Variants in REDIC1 observed in about 807,000 individuals in gnomAD.
REDIC1 encodes HEI10 Interacting Protein 1.
At chr12:39,876,524 A>G in the REDIC1 span, among the ~76,000 whole-genome samples, 1 of 152,234 alleles carries the variant, frequency 6.6e-6, no homozygotes, top group Admixed American at 6.5e-5. Flanking sequence ...AGAAGAAATT[A>G]AGAATAATTA....
the REDIC1 span, among the ~76,000 whole-genome samples, chr12:39,674,940 G>A: frequency 6.6e-6 from 1 of 152,196 alleles, no homozygotes; most frequent in African/African-American, 2.4e-5. Context: ...AGATATGAGT[G>A]CAGAAGCTGC....
chr12:39,834,914 T>C, the REDIC1 span, among the ~76,000 whole-genome samples: 3 of 152,090 alleles, frequency 2.0e-5, no homozygotes, highest in South Asian at 2.1e-4. Flanking sequence ...ACAGAGAGCA[T>C]GTATTATAAC....
the REDIC1 span, among the ~76,000 whole-genome samples, chr12:39,711,110 C>G: frequency 6.6e-6 from 1 of 151,508 alleles, no homozygotes; most frequent in South Asian, 2.1e-4. Flanking sequence ...ATCTTCATAT[C>G]TTAGTTACCT....
At chr12:39,632,619 A>G in the REDIC1 span, among the ~76,000 whole-genome samples, 1 of 152,124 alleles carries the variant, frequency 6.6e-6, no homozygotes, top group African/African-American at 2.4e-5. Context: ...ACATTCTGAG[A>G]AATATACCAT....
At chr12:39,758,069 T>C in the REDIC1 span, 34 of 151,576 alleles carry the variant, frequency 2.2e-4, no homozygotes, top group African/African-American at 8.2e-4. Flanking sequence ...AGAATAATAA[T>C]TTTCCCTATT....
the REDIC1 span, among the ~76,000 whole-genome samples, chr12:39,818,995 C>T: frequency 4.6e-4 from 70 of 152,180 alleles, 1 homozygote; most frequent in African/African-American, 1.6e-3. Context: ...CAATGTTAAA[C>T]GAACGAAGAT....
the REDIC1 span, among the ~76,000 whole-genome samples, chr12:39,828,708 C>G: frequency 1.2e-5 from 1 of 80,742 alleles, no homozygotes; most frequent in Non-Finnish European, 2.3e-5. Flanking sequence ...CTAGTAGTAA[C>G]TTAGTTTTTT....
the REDIC1 span, among the ~76,000 whole-genome samples, chr12:39,816,442 A>C: frequency 1.5e-5 from 1 of 67,412 alleles, no homozygotes; most frequent in Non-Finnish European, 2.8e-5. Flanking sequence ...GGGTGGGGGG[A>C]GGGGGGAGGG....
chr12:39,709,896 A>C, the REDIC1 span, among the ~76,000 whole-genome samples: 1 of 151,778 alleles, frequency 6.6e-6, no homozygotes, highest in Non-Finnish European at 1.5e-5. Flanking sequence ...AGAAATCTTC[A>C]TACCATTTTC....
At chr12:39,743,034 A>G in the REDIC1 span, among the ~76,000 whole-genome samples, 1 of 149,984 alleles carries the variant, frequency 6.7e-6, no homozygotes, top group Non-Finnish European at 1.5e-5. Flanking sequence ...CACACGTTCT[A>G]TAAACCAGGT....
the REDIC1 span, among the ~76,000 whole-genome samples, chr12:39,844,974 C>G: frequency 6.6e-6 from 1 of 151,824 alleles, no homozygotes; most frequent in African/African-American, 2.4e-5. Flanking sequence ...AAATTCATGA[C>G]TTTTAAAATA....
At chr12:39,785,294 A>C in the REDIC1 span, among the ~76,000 whole-genome samples, 2 of 152,172 alleles carry the variant, frequency 1.3e-5, no homozygotes, top group Admixed American at 1.3e-4. Flanking sequence ...CTCCAGCCAC[A>C]GCTGAAAGGG....
the REDIC1 span, among the ~76,000 whole-genome samples, chr12:39,665,789 A>G: frequency 0.78 from 113,864 of 146,910 alleles, 44,525 homozygotes; most frequent in Non-Finnish European, 0.85. Flanking sequence ...GTTCCTTCAC[A>G]TCCCTTGTAA....
At chr12:39,710,958 T>C in the REDIC1 span, among the ~76,000 whole-genome samples, 1 of 151,496 alleles carries the variant, frequency 6.6e-6, no homozygotes, top group African/African-American at 2.4e-5. Flanking sequence ...GAGAAAGTTC[T>C]TTAGTGGTGA....
chr12:39,741,298 T>A, the REDIC1 span, among the ~76,000 whole-genome samples: 2 of 151,358 alleles, frequency 1.3e-5, no homozygotes, highest in African/African-American at 2.4e-5. Flanking sequence ...TCCTCTCCTT[T>A]AAAAAAAAAT....
the REDIC1 span, among the ~76,000 whole-genome samples, chr12:39,824,541 T>C: frequency 6.6e-6 from 1 of 152,172 alleles, no homozygotes; most frequent in Non-Finnish European, 1.5e-5. Context: ...GAGGTTAAGC[T>C]AGTCTTGTAA....
chr12:39,865,006 TG>T, the REDIC1 span: 1 of 844,990 alleles, frequency 1.2e-6, no homozygotes, highest in South Asian at 2.2e-5. Flanking sequence ...AAAAATACCG[TG>T]CTCTATCTTC....
At chr12:39,646,672 A>G in the REDIC1 span, among the ~76,000 whole-genome samples, 1 of 151,944 alleles carries the variant, frequency 6.6e-6, no homozygotes, top group Non-Finnish European at 1.5e-5. Context: ...AAATGTCTGT[A>G]TCTAGTATTA....
the REDIC1 span, among the ~76,000 whole-genome samples, chr12:39,772,059 T>C: frequency 6.6e-6 from 1 of 152,106 alleles, no homozygotes; most frequent in Non-Finnish European, 1.5e-5. Context: ...TCTCTCCTCC[T>C]CTCAACTCCT....
Sources: allele counts gnomAD v4.1 joint callset (sites outside exome capture counted in the v4.1 genomes callset), GRCh38; gene constraint gnomAD v4.1.1; transcripts MANE v1.5; gene names NCBI Gene and HGNC (gene_info 2026-07-23, HGNC 2026-07-21).